CNNM2: variants seen among roughly 807,000 people sequenced by gnomAD.
CNNM2 encodes cyclin and CBS domain divalent metal cation transport mediator 2.
In CNNM2, 12 loss-of-function variants were observed where a neutral mutation model predicts 66.9. That is an observed-to-expected ratio of 0.18 (90% CI 0.11 to 0.29). CNNM2 has a LOEUF of 0.29. CNNM2 is among the 10% of genes least tolerant of loss of function. The probability of loss-of-function intolerance (pLI) is 1.00; values close to 1 mark genes in which losing one functional copy is unlikely to be tolerated. For missense variants in CNNM2, 705 were observed against 1,167.7 expected, an observed-to-expected ratio of 0.60 and a Z score of 5.77; for synonymous variants, 557 against 501.8, an observed-to-expected ratio of 1.11 and a Z score of -1.47.
chr10:102,999,907 G>A (rs2064083905), intron 1 of CNNM2, among the ~76,000 whole-genome samples: 1 of 152,162 alleles, frequency 6.6e-6, no homozygotes, highest in African/African-American at 2.4e-5. Context: ...AAAGATGTGG[G>A]GAAATTGGAA....
chr10:102,947,710 C>T (rs1846668468), intron 1 of CNNM2, among the ~76,000 whole-genome samples: 1 of 151,956 alleles, frequency 6.6e-6, no homozygotes, highest in Non-Finnish European at 1.5e-5. Flanking sequence ...GAGTTTGCGC[C>T]ACTGCACTCC....
At chr10:103,071,419 C>G (rs1403779370) in intron 5 of CNNM2, among the ~76,000 whole-genome samples, 2 of 152,220 alleles carry the variant, frequency 1.3e-5, no homozygotes, top group African/African-American at 4.8e-5. Context: ...GAGTCAGGCT[C>G]TTAGGGCAGT....
intron 1 of CNNM2, among the ~76,000 whole-genome samples, chr10:103,020,522 T>C (rs1446471554): frequency 6.6e-6 from 1 of 152,230 alleles, no homozygotes; most frequent in Admixed American, 6.5e-5. Flanking sequence ...TTCCATGGGT[T>C]GATAATTGTT....
intron 1 of CNNM2, among the ~76,000 whole-genome samples, chr10:103,009,111 T>C (rs1334102616): frequency 6.6e-6 from 1 of 152,016 alleles, no homozygotes; most frequent in Non-Finnish European, 1.5e-5. Context: ...ACCCTGTCTC[T>C]ACTAAAAATA....
intron 1 of CNNM2, among the ~76,000 whole-genome samples, chr10:102,956,779 T>C (rs1590307189): frequency 6.6e-6 from 1 of 151,948 alleles, no homozygotes. Flanking sequence ...ATGAGAACAC[T>C]TGGACACAGG....
At chr10:102,963,904 A>C (rs2063421299) in intron 1 of CNNM2, among the ~76,000 whole-genome samples, 1 of 152,196 alleles carries the variant, frequency 6.6e-6, no homozygotes, top group Non-Finnish European at 1.5e-5. Flanking sequence ...CTCGTTAAGG[A>C]ATCGTGTTTT....
At chr10:102,995,039 G>T (rs1416408149) in intron 1 of CNNM2, among the ~76,000 whole-genome samples, 1 of 151,730 alleles carries the variant, frequency 6.6e-6, no homozygotes, top group Non-Finnish European at 1.5e-5. Flanking sequence ...TATGGGTGTA[G>T]ATCTCTATTT....
In CNNM2 at chr10:102,918,954, C is replaced by G. The variant is rs1267198084; in HGVS notation, c.474C>G (p.Ile158Met). Residue 158 changes from isoleucine to methionine, a missense_variant, in exon 1 of 8, where the codon ATC (isoleucine) becomes ATG (methionine). By Grantham distance (10) the Ile-to-Met change is conservative. This residue lies in a region of CNNM2 where 100 missense variants were observed against 151.9 expected (regional missense o/e 0.66). Transcript: ENST00000369878. The surrounding 1 kb of genome is among the most constrained non-coding windows in gnomAD (Gnocchi z 4.1). ...QRCGIRTSDI[I>M]ILPHIILNRR... ...GCGGCATCCGCACCTCAGACATCAT[C>G]ATCTTGCCCCACATCATTCTCAACC... 1 of 1,612,404 alleles carries G rather than the reference C, an allele frequency of 6.2e-7. No homozygotes were observed. The highest frequency in any genetic ancestry group is 8.5e-7 in the Non-Finnish European group (1 of 1,179,464).
At chr10:103,053,103 A>C (rs772511847) in intron 2 of CNNM2, among the ~76,000 whole-genome samples, 13 of 152,192 alleles carry the variant, frequency 8.5e-5, no homozygotes, top group South Asian at 6.2e-4. Context: ...AAAATACTTG[A>C]AAGATGGTTT....
At chr10:103,041,133 CCCT>C (rs2065033553) in intron 1 of CNNM2, among the ~76,000 whole-genome samples, 1 of 152,084 alleles carries the variant, frequency 6.6e-6, no homozygotes. Flanking sequence ...CCTACTTAGC[CCCT>C]CCTCTTATCA....
At chr10:103,006,182 G>A (rs1422048142) in intron 1 of CNNM2, among the ~76,000 whole-genome samples, 1 of 151,698 alleles carries the variant, frequency 6.6e-6, no homozygotes, top group Non-Finnish European at 1.5e-5. Flanking sequence ...CATTAACTGT[G>A]ATGTTTGCTT....
At chr10:102,986,509 G>A (rs191004920) in intron 1 of CNNM2, among the ~76,000 whole-genome samples, 15 of 152,246 alleles carry the variant, frequency 9.9e-5, no homozygotes, top group East Asian at 1.9e-4. Flanking sequence ...GTGGCTGGGC[G>A]CGGTGGCTCA....
At chr10:103,040,097 G>A (rs1178470354) in intron 1 of CNNM2, among the ~76,000 whole-genome samples, 1 of 152,036 alleles carries the variant, frequency 6.6e-6, no homozygotes, top group Admixed American at 6.6e-5. Flanking sequence ...AACCTGGGAG[G>A]TAGAGGTTGT....
At position 102,918,591 on chromosome 10, in the gene CNNM2, C is replaced by A; in HGVS notation, c.111C>A (p.Gly37=). 1.3e-6 allele frequency: 2 copies of A among 1,567,320 alleles called. No homozygotes were observed. The highest frequency in any genetic ancestry group is 2.3e-5 in the South Asian group (2 of 85,882). ...MAARRSLSAR[G]RGILQAAAGR... Reference sequence around the variant, plus strand: ...CGCGCCGCAGCCTCAGCGCTCGCGGCCGGGGGATCCTGCAGGCGGCTGCGG... The same window carrying A: ...CGCGCCGCAGCCTCAGCGCTCGCGGACGGGGGATCCTGCAGGCGGCTGCGG... Residue 37 remains glycine, a synonymous_variant, in exon 1 of 8, where the codon GGC becomes GGA. Coordinates refer to ENST00000369878, the MANE Select transcript of CNNM2 (RefSeq NM_017649.5). This position sits in a 1 kb window ranked among gnomAD's most constrained non-coding sequence, Gnocchi z 4.1.
At chr10:102,951,680 C>A (rs1685832037) in intron 1 of CNNM2, among the ~76,000 whole-genome samples, 1 of 150,554 alleles carries the variant, frequency 6.6e-6, no homozygotes, top group Admixed American at 6.6e-5. Flanking sequence ...ACTTTGTTGC[C>A]CAGGCTGGGG....
chr10:103,035,930 G>A (rs772780373), intron 1 of CNNM2, among the ~76,000 whole-genome samples: 3 of 152,142 alleles, frequency 2.0e-5, no homozygotes, highest in Non-Finnish European at 4.4e-5. Flanking sequence ...GGAAGTTCAT[G>A]GATCGAATTC....
intron 1 of CNNM2, among the ~76,000 whole-genome samples, chr10:103,031,037 T>C (rs991982208): frequency 1.3e-5 from 2 of 152,112 alleles, no homozygotes; most frequent in African/African-American, 4.8e-5. Context: ...AGTATGTAGA[T>C]TTTAGGGTTT....
chr10:103,019,841 A>T (rs932196029), intron 1 of CNNM2, among the ~76,000 whole-genome samples: 1 of 152,242 alleles, frequency 6.6e-6, no homozygotes, highest in Non-Finnish European at 1.5e-5. Context: ...TTCTATATTG[A>T]TATGAAGAGA....
intron 1 of CNNM2, among the ~76,000 whole-genome samples, chr10:102,958,206 G>A (rs927974992): frequency 6.6e-6 from 1 of 152,156 alleles, no homozygotes; most frequent in Non-Finnish European, 1.5e-5. Context: ...AAAGTGCTGG[G>A]ATTACAGGTG....
Sources: gnomAD v4.1 joint callset for allele counts (sites outside exome capture counted in the v4.1 genomes callset) on GRCh38, gnomAD v4.1.1 for gene constraint, gnomAD v4.1.1 regional missense constraint, Gnocchi (gnomAD v3.1) non-coding constraint, MANE v1.5 for transcripts, NCBI Gene and HGNC (gene_info 2026-07-23, HGNC 2026-07-21) for gene names.